Variants in PCDHGB2 observed in about 807,000 individuals in gnomAD.
The protein encoded by PCDHGB2 is protocadherin gamma-B2.
A neutral mutation model predicts 59.3 loss-of-function variants in PCDHGB2; 55 were observed. The ratio of observed to expected loss-of-function variants is 0.93; its 90% CI spans 0.75 to 1.16. The LOEUF (loss-of-function observed/expected upper bound fraction) is 1.16. Ranked by LOEUF, PCDHGB2 falls within the 50% of genes most tolerant of loss-of-function variation. The pLI is 0.00. For synonymous variants in PCDHGB2, 516 were observed against 512.0 expected (o/e 1.01, Z -0.11); for missense variants, 1,228 against 1,198.5 (o/e 1.02, Z -0.36).
intron 1 of PCDHGB2, chr5:141,375,644 G>C: frequency 6.2e-7 from 1 of 1,614,180 alleles, no homozygotes; most frequent in Non-Finnish European, 8.5e-7. Flanking sequence ...GCGCTCCTTC[G>C]ACTATGAGCA....
intron 1 of PCDHGB2, among the ~76,000 whole-genome samples, chr5:141,402,212 A>T (rs1282581389): frequency 6.6e-6 from 1 of 152,138 alleles, no homozygotes; most frequent in Non-Finnish European, 1.5e-5. Context: ...ACAAAAATTT[A>T]AAATAAACGT....
At chr5:141,399,398 G>T (rs1374441258) in intron 1 of PCDHGB2, 4 of 1,613,854 alleles carry the variant, frequency 2.5e-6, no homozygotes, top group Non-Finnish European at 3.4e-6. Flanking sequence ...ACAGACAGGG[G>T]CAAGCCGCCC....
intron 1 of PCDHGB2, among the ~76,000 whole-genome samples, chr5:141,473,946 G>A (rs1399816546): frequency 6.6e-6 from 1 of 152,170 alleles, no homozygotes; most frequent in African/African-American, 2.4e-5. Context: ...GCTCAGGCCT[G>A]TAGTCCCATC....
At chr5:141,435,902 A>G (rs896786345) in intron 1 of PCDHGB2, among the ~76,000 whole-genome samples, 1 of 152,194 alleles carries the variant, frequency 6.6e-6, no homozygotes, top group Non-Finnish European at 1.5e-5. Flanking sequence ...AATGAAAGAC[A>G]TCCAAGGGCT....
intron 1 of PCDHGB2, among the ~76,000 whole-genome samples, chr5:141,380,858 G>A (rs1193255513): frequency 6.6e-6 from 1 of 152,216 alleles, no homozygotes; most frequent in Non-Finnish European, 1.5e-5. Flanking sequence ...AAGACATTGA[G>A]AGCTATAACC....
chr5:141,405,394 CTT>C lies in PCDHGB2; in HGVS notation c.2421+42840_2421+42841del, dbSNP rs1561700295. 3.8e-6 allele frequency: 6 copies of C among 1,593,014 alleles called. No individual in the cohort carries two copies. In the Admixed American group the frequency reaches 7.1e-5, roughly 19 times the overall value. On this transcript the variant is annotated intron_variant, in intron 1 of 3. Transcript: ENST00000522605. ...TGGTTCCGGTGAGTTCATTTTTTTT[CTT>C]TCTTTCTTTTCTTTTTTTGTTTTTT...
chr5:141,478,711 T>C, intron 1 of PCDHGB2: 3 of 1,547,346 alleles, frequency 1.9e-6, no homozygotes, highest in Non-Finnish European at 1.7e-6. Flanking sequence ...CTTTGTGAGA[T>C]GGTGGCCTGC....
intron 1 of PCDHGB2, chr5:141,392,593 C>T (rs986653235): frequency 1.0e-5 from 5 of 494,076 alleles, no homozygotes; most frequent in Admixed American, 7.6e-5. Flanking sequence ...CCGCTGTTCA[C>T]CTACTGGAAG....
At chr5:141,370,392 G>C (rs773955179) in intron 1 of PCDHGB2, 2 of 1,544,790 alleles carry the variant, frequency 1.3e-6, no homozygotes, top group Non-Finnish European at 1.7e-6. Flanking sequence ...CGCAGAGAGC[G>C]GGATGGGAAA....
At chr5:141,399,947 C>G in intron 1 of PCDHGB2, 1 of 1,612,228 alleles carries the variant, frequency 6.2e-7, no homozygotes. Context: ...GTGCTGCAGG[C>G]TAGCGAGCCC....
Position 141,431,386 on chromosome 5 carries a change from C to A in PCDHGB2, c.2422-63421C>A. The stretch of plus-strand genomic sequence containing the variant: ...ACCGCGAAGAAAAGGCTGCTCACCA[C>A]CTGGTCCTTACGGCCTCCGACGGGG... On this transcript the variant is annotated intron_variant, in intron 1 of 3. Coordinates refer to ENST00000522605, the MANE Select transcript of PCDHGB2 (RefSeq NM_018923.3). The surrounding 1 kb of genome is among the most constrained non-coding windows in gnomAD (Gnocchi z 4.8). The A allele has an allele frequency of 6.2e-7, 1 of 1,613,924 alleles. No individual in the cohort carries two copies. Among genetic ancestry groups the A allele is most frequent in the Non-Finnish European group, 8.5e-7 (1 of 1,180,038 alleles).
chr5:141,442,472 C>T (rs1032989256), intron 1 of PCDHGB2: 1 of 152,204 alleles, frequency 6.6e-6, no homozygotes, highest in Non-Finnish European at 1.5e-5. Context: ...GCAGAAAGCC[C>T]CTTGGGGAAG....
In PCDHGB2 at chr5:141,380,794, G is replaced by A. The variant is rs116753480; in HGVS notation, c.2421+18238G>A. ...AGACTTTTTTAAAACAGTAGAATAA[G>A]AAACAAATGTGAGATGAAACTATGA... On this transcript the variant is annotated intron_variant, in intron 1 of 3. Transcript: ENST00000522605. Among the ~76,000 whole-genome samples, 564 of 152,260 alleles carry A rather than the reference G, an allele frequency of 3.7e-3. 3 individuals are homozygous for A. The highest frequency in any genetic ancestry group is 0.013 in the African/African-American group (534 of 41,542).
chr5:141,382,592 A>C (rs1264942970), intron 1 of PCDHGB2: 2 of 246,462 alleles, frequency 8.1e-6, no homozygotes, highest in Non-Finnish European at 1.5e-5. Flanking sequence ...TTGAAAGATG[A>C]AACAATTTTC....
intron 1 of PCDHGB2, among the ~76,000 whole-genome samples, chr5:141,459,691 C>T (rs754899227): frequency 3.9e-5 from 6 of 152,158 alleles, no homozygotes; most frequent in East Asian, 1.9e-4. Flanking sequence ...TAAAGCGTTC[C>T]GCTTGCTACA....
chr5:141,390,196 T>C (rs1416526939), intron 1 of PCDHGB2: 2 of 1,613,930 alleles, frequency 1.2e-6, no homozygotes, highest in African/African-American at 2.7e-5. Context: ...AGTGAGCAGT[T>C]GAGTTCAGGA....
At chr5:141,409,462 C>A (rs377705841) in intron 1 of PCDHGB2, 64 of 1,613,870 alleles carry the variant, frequency 4.0e-5, no homozygotes, top group Non-Finnish European at 5.3e-5. Flanking sequence ...AATACAATGT[C>A]ACCATCGTAG....
chr5:141,433,001 G>A (rs1361701281), intron 1 of PCDHGB2: 39 of 1,614,156 alleles, frequency 2.4e-5, no homozygotes, highest in Non-Finnish European at 3.1e-5. Context: ...CGGGGTGCAG[G>A]CTTTCCTGCA....
At position 141,493,188 on chromosome 5, in the gene PCDHGB2, C is replaced by T. The variant is rs1292810486; in HGVS notation, c.2422-1619C>T. Among the ~76,000 whole-genome samples the T allele has an allele frequency of 2.6e-5, 4 of 152,216 alleles. No individual in the cohort carries two copies. Among genetic ancestry groups the T allele is most frequent in the Non-Finnish European group, 4.4e-5 (3 of 68,046 alleles). ...ATTGAGAGAAACTTACTATATAACT[C>T]CTTTGAGAACCTCATCTCATTTGCT... On this transcript the variant is annotated intron_variant, in intron 1 of 3. Coordinates refer to ENST00000522605, the MANE Select transcript of PCDHGB2 (RefSeq NM_018923.3). The surrounding 1 kb of genome is among the most constrained non-coding windows in gnomAD (Gnocchi z 4.3).
Sources: allele counts gnomAD v4.1 joint callset (sites outside exome capture counted in the v4.1 genomes callset), GRCh38; gene constraint gnomAD v4.1.1; non-coding constraint Gnocchi (gnomAD v3.1); transcripts MANE v1.5; gene names NCBI Gene and HGNC (gene_info 2026-07-23, HGNC 2026-07-21).